The following KCNK2 variants were observed in gnomAD, a reference collection of about 807,000 sequenced individuals.
KCNK2 encodes the protein potassium two pore domain channel subfamily K member 2, also known as potassium channel subfamily K member 2.
In KCNK2, 21 loss-of-function variants were observed where a neutral mutation model predicts 40.5. The ratio of observed to expected loss-of-function variants is 0.52; its 90% CI spans 0.37 to 0.75. The LOEUF is 0.75. KCNK2 is among the 30% of genes least tolerant of loss of function. The probability of loss-of-function intolerance (pLI) is 0.00; values close to 1 mark genes in which losing one functional copy is unlikely to be tolerated. For synonymous variants in KCNK2, 191 were observed against 202.2 expected (o/e 0.94, Z 0.47); for missense variants, 399 against 531.6 (o/e 0.75, Z 2.45).
In KCNK2 at chr1:215,190,762, C is replaced by T. The variant is rs1469233485; in HGVS notation, c.824-4191C>T. ...GCATGGTCTTAACTAACAGCCCTGC[C>T]CTAAGTCAATGGAAGTGTGAAGCGT... On this transcript the variant is annotated intron_variant, in intron 5 of 6. Transcript: ENST00000444842. Among the ~76,000 whole-genome samples the T allele has an allele frequency of 2.0e-5, 3 of 152,078 alleles. No homozygotes were observed. In the East Asian group the frequency reaches 5.8e-4, roughly 29 times the overall value.
At chr1:215,072,283 A>G (rs1347500166) in intron 1 of KCNK2, among the ~76,000 whole-genome samples, 1 of 152,142 alleles carries the variant, frequency 6.6e-6, no homozygotes, top group Admixed American at 6.5e-5. Flanking sequence ...GGTTTAATTG[A>G]CTTACAGTTC....
chr1:215,063,847 G>A (rs894435091), intron 1 of KCNK2, among the ~76,000 whole-genome samples: 2 of 152,230 alleles, frequency 1.3e-5, no homozygotes, highest in East Asian at 3.9e-4. Context: ...AATGGAGAAA[G>A]AAAGCAAAGA....
chr1:215,117,302 T>C (rs890684194), intron 2 of KCNK2, among the ~76,000 whole-genome samples: 3 of 152,068 alleles, frequency 2.0e-5, no homozygotes, highest in African/African-American at 7.2e-5. Context: ...TATGCAAAAA[T>C]GGAATACAAC....
At chr1:215,213,360 G>A (rs982184002) in intron 6 of KCNK2, among the ~76,000 whole-genome samples, 9 of 152,202 alleles carry the variant, frequency 5.9e-5, no homozygotes, top group African/African-American at 2.2e-4. Context: ...TGTAATTCCA[G>A]TACTTTGGGA....
chr1:215,076,539 C>T (rs887435718), intron 1 of KCNK2, among the ~76,000 whole-genome samples: 2 of 152,158 alleles, frequency 1.3e-5, no homozygotes, highest in Non-Finnish European at 2.9e-5. Context: ...ACATGAACCT[C>T]TCTGGAGGGT....
At position 215,228,841 on chromosome 1, in the gene KCNK2, C is replaced by CA. The variant is rs1344049211; in HGVS notation, c.964-5981dup. Among the ~76,000 whole-genome samples the CA allele has an allele frequency of 2.6e-5, 4 of 151,886 alleles. No homozygotes were observed. The South Asian group carries it at 6.2e-4, about 24-fold the overall frequency. ...ACTTATTTTTGAATTTCTTCGAAAA[C>CA]AAAAAAGCATCTTTAGAGTTTGAGT... On this transcript the variant is annotated intron_variant, in intron 6 of 6. Transcript: ENST00000444842.
At chr1:215,050,937 G>A (rs1251354058) in intron 1 of KCNK2, among the ~76,000 whole-genome samples, 2 of 152,090 alleles carry the variant, frequency 1.3e-5, no homozygotes, top group Non-Finnish European at 2.9e-5. Context: ...TTGTTAACAG[G>A]GGCTTATTAT....
chr1:215,131,065 T>G (rs1181398109), intron 3 of KCNK2, among the ~76,000 whole-genome samples: 1 of 150,962 alleles, frequency 6.6e-6, no homozygotes, highest in Non-Finnish European at 1.5e-5. Context: ...TTTCACCGTG[T>G]TAGCCAAGAT....
At chr1:215,064,250 G>C (rs1347896716) in intron 1 of KCNK2, among the ~76,000 whole-genome samples, 1 of 152,056 alleles carries the variant, frequency 6.6e-6, no homozygotes, top group Non-Finnish European at 1.5e-5. Flanking sequence ...TGAAAACTGG[G>C]ACAAAAGTGT....
chr1:215,108,233 C>G lies in KCNK2; in HGVS notation c.358-16400C>G, dbSNP rs1045714575. ...AGCCTGGTTCTTAATAGGCCATGGA[C>G]TGGTATGGGTCTGTGGCTTGGGGGC... On this transcript the variant is annotated intron_variant, in intron 2 of 6. Coordinates refer to ENST00000444842, the MANE Select transcript of KCNK2 (RefSeq NM_001017425.3). 3.9e-5 allele frequency among the ~76,000 whole-genome samples: 6 copies of G among 152,248 alleles called. No homozygotes were observed. In the South Asian group the frequency reaches 8.3e-4, roughly 21 times the overall value.
chr1:215,016,284 A>G (rs972448961), intron 1 of KCNK2, among the ~76,000 whole-genome samples: 2 of 62,220 alleles, frequency 3.2e-5, no homozygotes, highest in African/African-American at 1.2e-4. Context: ...GTTAAGAGAT[A>G]TAGAACACAT....
At position 215,124,783 on chromosome 1, in the gene KCNK2, G is replaced by T. The variant is rs1346369390; in HGVS notation, c.475+33G>T. ...ACAACTTATTTTTGTTTTTTGTTTT[G>T]ATACCGTTTGTGAGCTAAAATCCAT... On this transcript the variant is annotated intron_variant, in intron 3 of 6. Coordinates refer to ENST00000444842, the MANE Select transcript of KCNK2 (RefSeq NM_001017425.3). 6.3e-6 allele frequency: 8 copies of T among 1,261,910 alleles called. No individual in the cohort carries two copies. The Admixed American group carries it at 1.2e-4, about 19-fold the overall frequency. The allele number at this position is 1,261,910 out of a possible 1,614,324, so 78.2% of individuals were successfully genotyped here.
Position 215,171,920 on chromosome 1 carries a change from GTCTC to G in KCNK2, c.637-58_637-55del, listed in dbSNP as rs3834061. On this transcript the variant is annotated intron_variant, in intron 4 of 6. Transcript: ENST00000444842. ...AAGTAATTTCTCTCTCTCTCTCTTTGTCTCTCTCTCTCTCTCTCTCTCCCCCCAT... is the reference window on the plus strand; with the variant it reads ...AAGTAATTTCTCTCTCTCTCTCTTTGTCTCTCTCTCTCTCTCTCCCCCCAT... The G allele has an allele frequency of 4.6e-3, 4,022 of 883,158 alleles. 79 individuals carry two copies. The African/African-American group carries it at 0.046, about 10-fold the overall frequency. 54.7% of individuals were successfully genotyped at this position (883,158 alleles called of 1,614,324 possible).
rs1314967984 is a variant in KCNK2, at chr1:215,083,214, G to A, written c.-172G>A. 8.9e-6 allele frequency: 3 copies of A among 337,570 alleles called. No individual in the cohort carries two copies. Among genetic ancestry groups the A allele is most frequent in the Non-Finnish European group, 1.4e-5 (3 of 219,132 alleles). The allele number at this position is 337,570 out of a possible 1,614,324, so 20.9% of individuals were successfully genotyped here. On this transcript the variant is annotated 5_prime_UTR_variant, in exon 1 of 7. Coordinates refer to ENST00000444842, the MANE Select transcript of KCNK2 (RefSeq NM_001017425.3). ...CACGCTCCCCCCCCCGCCCCCTCCC[G>A]CGTCCAGCCCCGCTCTCCCCACCTT...
intron 6 of KCNK2, among the ~76,000 whole-genome samples, chr1:215,210,554 G>A (rs1665697765): frequency 6.6e-6 from 1 of 152,126 alleles, no homozygotes; most frequent in South Asian, 2.1e-4. Context: ...CATTCCAGGA[G>A]TACTCATTGA....
intron 6 of KCNK2, among the ~76,000 whole-genome samples, chr1:215,226,651 A>C (rs1666398212): frequency 6.6e-6 from 1 of 152,244 alleles, no homozygotes; most frequent in East Asian, 1.9e-4. Context: ...CAAAGATTGC[A>C]TTCCGTAAAG....
chr1:215,109,521 G>T (rs1022562445), intron 2 of KCNK2, among the ~76,000 whole-genome samples: 14 of 151,862 alleles, frequency 9.2e-5, no homozygotes, highest in African/African-American at 3.4e-4. Context: ...TATCCGTGTT[G>T]CTACAAGTGA....
chr1:215,090,049 C>T (rs1323304504), intron 2 of KCNK2, among the ~76,000 whole-genome samples: 4 of 152,034 alleles, frequency 2.6e-5, no homozygotes, highest in Admixed American at 2.6e-4. Context: ...TGGTCTCGAA[C>T]TCCCGACCTC....
At position 215,236,678 on chromosome 1, in the gene KCNK2, GTATATA is replaced by G. The variant is rs556596943; in HGVS notation, c.*1540_*1545del. ...TTCATACTTAGATCTGCTGTACATT[GTATATA>G]TATATAATTTTTAAAATGCAGAAAG... On this transcript the variant is annotated 3_prime_UTR_variant, in exon 7 of 7. Transcript: ENST00000444842. The G allele has an allele frequency of 2.0e-5, 3 of 151,716 alleles. No individual in the cohort carries two copies. The South Asian group carries it at 6.3e-4, about 32-fold the overall frequency. The allele number at this position is 151,716 out of a possible 1,614,324, so 9.4% of individuals were successfully genotyped here. A position where few individuals can be genotyped will look rare whatever the true frequency, so the allele number is the denominator to read the frequency against.
Sources: allele counts gnomAD v4.1 joint callset (sites outside exome capture counted in the v4.1 genomes callset), GRCh38; gene constraint gnomAD v4.1.1; transcripts MANE v1.5; gene names NCBI Gene and HGNC (gene_info 2026-07-23, HGNC 2026-07-21).